BMPR2: variants seen among roughly 807,000 people sequenced by gnomAD.
BMPR2 encodes bone morphogenetic protein receptor type 2, also known as bone morphogenetic protein receptor type-2.
A neutral mutation model predicts 100.8 loss-of-function variants in BMPR2; 29 were observed. That is an observed-to-expected ratio of 0.29 (90% confidence interval 0.21 to 0.39). BMPR2 has a LOEUF of 0.39. Ranked by LOEUF, BMPR2 falls within the 10% of genes least tolerant of loss-of-function variation. BMPR2 has a pLI of 1.00. For synonymous variants in BMPR2, 382 were observed against 442.3 expected (o/e 0.86, Z 1.71); for missense variants, 1,011 against 1,274.5 (o/e 0.79, Z 3.15).
Position 202,556,149 on chromosome 2 carries a change from G to A in BMPR2, c.2484G>A (p.Gly828=), listed in dbSNP as rs747624267. Residue 828 remains glycine (G), a synonymous_variant, in exon 12 of 13, where the codon GGG becomes GGA. Transcript: ENST00000374580. Reference sequence around the variant, plus strand: ...CTGCCACAACCCAATATGCCAATGGGACAGTACTATCTGGCCAAACAACCA... The same window carrying A: ...CTGCCACAACCCAATATGCCAATGGAACAGTACTATCTGGCCAAACAACCA... The part of the protein sequence containing the change: ...SHAATTQYAN[G]TVLSGQTTNI... 1 of 1,613,704 alleles carries A rather than the reference G, an allele frequency of 6.2e-7. No homozygotes were observed. Among genetic ancestry groups the A allele is most frequent in the East Asian group, 2.2e-5 (1 of 44,878 alleles).
At chr2:202,442,629 C>G (rs944497542) in intron 1 of BMPR2, among the ~76,000 whole-genome samples, 2 of 150,414 alleles carry the variant, frequency 1.3e-5, no homozygotes, top group Non-Finnish European at 2.9e-5. Flanking sequence ...TGGCAACAAA[C>G]CACCATTTGA....
At chr2:202,427,075 GC>G (rs1181771631) in intron 1 of BMPR2, among the ~76,000 whole-genome samples, 2 of 152,176 alleles carry the variant, frequency 1.3e-5, no homozygotes, top group Non-Finnish European at 2.9e-5. Context: ...GGCGGGCTTG[GC>G]GAGGTGTTTC....
intron 1 of BMPR2, among the ~76,000 whole-genome samples, chr2:202,454,933 C>T (rs1231761667): frequency 6.6e-6 from 1 of 152,204 alleles, no homozygotes; most frequent in Non-Finnish European, 1.5e-5. Flanking sequence ...CTGGTAAGGG[C>T]TCTATTCCTG....
At chr2:202,471,589 C>T (rs958818422) in intron 3 of BMPR2, among the ~76,000 whole-genome samples, 1 of 152,034 alleles carries the variant, frequency 6.6e-6, no homozygotes, top group Non-Finnish European at 1.5e-5. Flanking sequence ...ATCACACAAA[C>T]CCCAAATTAG....
chr2:202,507,355 G>A (rs1382685644), intron 3 of BMPR2, among the ~76,000 whole-genome samples: 2 of 152,128 alleles, frequency 1.3e-5, no homozygotes. Context: ...AAAATTCTTT[G>A]CATCTTTGTA....
At chr2:202,543,110 G>A (rs955950357) in intron 10 of BMPR2, among the ~76,000 whole-genome samples, 27 of 149,608 alleles carry the variant, frequency 1.8e-4, no homozygotes, top group Non-Finnish European at 3.8e-4. Context: ...CTGGGAGGCA[G>A]AGATTGCAAT....
Position 202,484,209 on chromosome 2 carries a change from A to T in BMPR2, c.418+16520A>T, listed in dbSNP as rs537083451. On this transcript the variant is annotated intron_variant, in intron 3 of 12. Transcript: ENST00000374580. Reference sequence around the variant, plus strand: ...ATTTCTCATTTTCAACTGTTACAGGAACTACTTTAAACAGCACAGATATTC... The same window carrying T: ...ATTTCTCATTTTCAACTGTTACAGGTACTACTTTAAACAGCACAGATATTC... 9.3e-4 allele frequency among the ~76,000 whole-genome samples: 142 copies of T among 152,364 alleles called. 1 individual carries two copies. The Middle Eastern group carries it at 0.01, about 11-fold the overall frequency.
chr2:202,556,635 C>T, intron 12 of BMPR2, 104 bp downstream of exon 12: 1 of 1,347,578 alleles, frequency 7.4e-7, no homozygotes, highest in Admixed American at 1.9e-5. Flanking sequence ...GATTATTTAC[C>T]TTTACCACTT....
rs869025366 is a variant in BMPR2 at position 202,513,739 on chromosome 2, C to T, written c.439C>T (p.Arg147Ter). 6.2e-7 allele frequency: 1 copy of T among 1,612,608 alleles called. No homozygotes were observed. The highest frequency in any genetic ancestry group is 8.5e-7 in the Non-Finnish European group (1 of 1,179,282). ...TTTAGGTCCACCTCATTCATTTAAC[C>T]GAGATGAGACAATAATCATTGCTTT... ...TPLSPPHSFN[R>*]DETIIIALAS... Residue 147 changes from arginine to a stop codon, truncating the protein, a stop_gained, in exon 4 of 13, where the codon CGA becomes TGA. Transcript: ENST00000374580. LOFTEE classifies it high-confidence loss of function.
At chr2:202,498,092 G>C (rs948350852) in intron 3 of BMPR2, among the ~76,000 whole-genome samples, 1 of 152,168 alleles carries the variant, frequency 6.6e-6, no homozygotes, top group African/African-American at 2.4e-5. Flanking sequence ...CTCAGGGTGT[G>C]GCCCTCCACT....
chr2:202,554,265 T>C (rs1215671598), intron 11 of BMPR2, among the ~76,000 whole-genome samples: 1 of 152,142 alleles, frequency 6.6e-6, no homozygotes, highest in Non-Finnish European at 1.5e-5. Context: ...AAAAGTCAGC[T>C]AAAGCTTTTA....
chr2:202,554,709 T>A (rs1012511524), intron 11 of BMPR2, among the ~76,000 whole-genome samples: 1 of 152,222 alleles, frequency 6.6e-6, no homozygotes, highest in Non-Finnish European at 1.5e-5. Context: ...TGACTCAGAC[T>A]ACCCCAGAAA....
In BMPR2 at chr2:202,497,379, G is replaced by A. The variant is rs182613347; in HGVS notation, c.419-16340G>A. Among the ~76,000 whole-genome samples, 363 of 152,302 alleles carry A rather than the reference G, an allele frequency of 2.4e-3. 1 individual carries two copies. Among genetic ancestry groups the A allele is most frequent in the African/African-American group, 8.1e-3 (338 of 41,570 alleles). ...TCTGTCCTGTCTTTCCTTAGAATTC[G>A]GGGGCTAAATACCGGGCACCTTATT... On this transcript the variant is annotated intron_variant, in intron 3 of 12. Transcript: ENST00000374580.
chr2:202,441,644 G>T (rs1362502926), intron 1 of BMPR2, among the ~76,000 whole-genome samples: 4 of 146,772 alleles, frequency 2.7e-5, no homozygotes, highest in Non-Finnish European at 4.4e-5. Context: ...CGTGAACCCG[G>T]GAGGTGGAGC....
intron 2 of BMPR2, among the ~76,000 whole-genome samples, chr2:202,466,318 G>T (rs182095134): frequency 6.6e-6 from 1 of 151,732 alleles, no homozygotes; most frequent in Non-Finnish European, 1.5e-5. Context: ...ATGGAGTCTC[G>T]CTCTGTTACC....
At chr2:202,471,270 C>G (rs1692432345) in intron 3 of BMPR2, among the ~76,000 whole-genome samples, 2 of 152,134 alleles carry the variant, frequency 1.3e-5, no homozygotes, top group African/African-American at 4.8e-5. Flanking sequence ...TGTAGGATTG[C>G]TGGAGTTGGC....
intron 3 of BMPR2, 78 bp downstream of exon 3, chr2:202,467,767 T>A: frequency 1.3e-6 from 2 of 1,483,870 alleles, no homozygotes; most frequent in Non-Finnish European, 1.9e-6. Flanking sequence ...TAAAAAACAT[T>A]CAAGGTTGAA....
chr2:202,410,802 A>G (rs1305943450), intron 1 of BMPR2, among the ~76,000 whole-genome samples: 1 of 151,998 alleles, frequency 6.6e-6, no homozygotes, highest in Admixed American at 6.6e-5. Flanking sequence ...GATGGTCTCA[A>G]TCTCCTGACA....
intron 3 of BMPR2, among the ~76,000 whole-genome samples, chr2:202,478,051 G>A (rs921060378): frequency 3.3e-5 from 5 of 152,104 alleles, no homozygotes; most frequent in Admixed American, 3.3e-4. Context: ...GTCACCCAAG[G>A]TGCACGTTCC....
Sources: allele counts gnomAD v4.1 joint callset (sites outside exome capture counted in the v4.1 genomes callset), GRCh38; gene constraint gnomAD v4.1.1; transcripts MANE v1.5; gene names NCBI Gene and HGNC (gene_info 2026-07-23, HGNC 2026-07-21).